PRKCE: variants seen among roughly 807,000 people sequenced by gnomAD.
PRKCE encodes protein kinase C epsilon.
PRKCE carries 16 observed loss-of-function variants against 85.4 expected under a neutral mutation model. That is an observed-to-expected ratio of 0.19 (90% confidence interval 0.13 to 0.28). PRKCE has a LOEUF of 0.28. Ranked by LOEUF, PRKCE falls within the 10% of genes least tolerant of loss-of-function variation. PRKCE has a pLI of 1.00. For synonymous variants in PRKCE, 388 were observed against 371.5 expected, an observed-to-expected ratio of 1.04 and a Z score of -0.51; for missense variants, 573 against 975.2, an observed-to-expected ratio of 0.59 and a Z score of 5.49.
chr2:45,810,052 T>TC (rs1319195256), intron 1 of PRKCE, among the ~76,000 whole-genome samples: 5 of 151,052 alleles, frequency 3.3e-5, no homozygotes, highest in Admixed American at 1.3e-4. Context: ...AAGGATAACT[T>TC]TTTTTGAGAT....
At chr2:46,047,369 GTCT>G (rs1345704749) in intron 10 of PRKCE, among the ~76,000 whole-genome samples, 1 of 152,234 alleles carries the variant, frequency 6.6e-6, no homozygotes, top group East Asian at 1.9e-4. Flanking sequence ...GGTGATGAAA[GTCT>G]TCTTTTATAC....
intron 2 of PRKCE, among the ~76,000 whole-genome samples, chr2:45,874,843 G>C (rs1482868826): frequency 6.6e-6 from 1 of 152,142 alleles, no homozygotes; most frequent in Non-Finnish European, 1.5e-5. Flanking sequence ...TAGCAGTGGG[G>C]ATATTTGGGA....
intron 1 of PRKCE, among the ~76,000 whole-genome samples, chr2:45,682,938 C>T (rs1052456991): frequency 1.3e-5 from 2 of 152,134 alleles, no homozygotes; most frequent in African/African-American, 4.8e-5. Flanking sequence ...AGAAATAAAG[C>T]CTGTTTATTG....
chr2:46,080,638 C>G (rs1252883615), intron 10 of PRKCE, among the ~76,000 whole-genome samples: 1 of 152,198 alleles, frequency 6.6e-6, no homozygotes, highest in Non-Finnish European at 1.5e-5. Flanking sequence ...AATTCCTCCT[C>G]TCATGGTGCT....
chr2:45,892,556 G>A (rs1215050559), intron 2 of PRKCE, among the ~76,000 whole-genome samples: 2 of 152,078 alleles, frequency 1.3e-5, no homozygotes, highest in Non-Finnish European at 2.9e-5. Flanking sequence ...AAGGCAGTGT[G>A]GTTAAGTTTG....
At chr2:45,936,160 G>A (rs1156320434) in intron 2 of PRKCE, among the ~76,000 whole-genome samples, 2 of 152,144 alleles carry the variant, frequency 1.3e-5, no homozygotes, top group East Asian at 1.9e-4. Flanking sequence ...ATGCTATGGC[G>A]ACCCACTGAA....
chr2:45,736,507 C>T (rs977834934), intron 1 of PRKCE, among the ~76,000 whole-genome samples: 13 of 152,140 alleles, frequency 8.5e-5, no homozygotes, highest in African/African-American at 1.7e-4. Context: ...GCAAATTAGA[C>T]GTGGAGCAGT....
chr2:46,161,067 C>T (rs1208583885), intron 14 of PRKCE, among the ~76,000 whole-genome samples: 1 of 152,210 alleles, frequency 6.6e-6, no homozygotes, highest in Non-Finnish European at 1.5e-5. Context: ...AATATCACTT[C>T]CTCTTCAGCC....
At chr2:45,975,680 C>T (rs571266561) in intron 2 of PRKCE, among the ~76,000 whole-genome samples, 2 of 152,274 alleles carry the variant, frequency 1.3e-5, no homozygotes, top group South Asian at 4.2e-4. Context: ...ATCTGTGAGT[C>T]CCCTTGCAAG....
At chr2:45,809,893 A>C (rs1008351167) in intron 1 of PRKCE, among the ~76,000 whole-genome samples, 22 of 151,722 alleles carry the variant, frequency 1.5e-4, no homozygotes, top group Admixed American at 1.2e-3. Context: ...AAAAAAAAAA[A>C]GTCTGGGTAC....
At chr2:46,101,528 C>A (rs1455607081) in intron 11 of PRKCE, among the ~76,000 whole-genome samples, 1 of 152,148 alleles carries the variant, frequency 6.6e-6, no homozygotes, top group African/African-American at 2.4e-5. Flanking sequence ...TTGTATATGC[C>A]TGGAACTCAA....
Position 46,187,082 on chromosome 2 carries a change from C to T in PRKCE, c.*2201C>T, listed in dbSNP as rs1181463585. ...GGCATCATCTCATTTTTTAGGAAGA[C>T]ATGATAATACTGCCCATCATATTCA... On this transcript the variant is annotated 3_prime_UTR_variant, in exon 15 of 15. Transcript: ENST00000306156. The T allele has an allele frequency of 1.3e-5, 2 of 152,628 alleles. No individual in the cohort carries two copies. The highest frequency in any genetic ancestry group is 2.4e-5 in the African/African-American group (1 of 41,440). The allele number at this position is 152,628 out of a possible 1,614,324, so 9.5% of individuals were successfully genotyped here.
chr2:45,745,271 G>A (rs1216732611), intron 1 of PRKCE, among the ~76,000 whole-genome samples: 1 of 152,152 alleles, frequency 6.6e-6, no homozygotes, highest in East Asian at 1.9e-4. Flanking sequence ...GGGGAGAGGA[G>A]GCCCGGGACA....
chr2:45,919,469 G>T (rs1698090380), intron 2 of PRKCE, among the ~76,000 whole-genome samples: 1 of 152,240 alleles, frequency 6.6e-6, no homozygotes, highest in Non-Finnish European at 1.5e-5. Context: ...CCACTGAAGT[G>T]TGTTTATGCC....
rs535962980 is a variant in PRKCE, at chr2:46,184,184, A to G, written c.2068-551A>G. Among the ~76,000 whole-genome samples the G allele has an allele frequency of 3.4e-4, 52 of 152,312 alleles. No homozygotes were observed. Among genetic ancestry groups the G allele is most frequent in the African/African-American group, 1.2e-3 (51 of 41,562 alleles). Reference sequence around the variant, plus strand: ...AACGTCATTGCAAGTCAATGTGCTGAGTTTAATAATTGAAAAAATACTGGA... The same window carrying G: ...AACGTCATTGCAAGTCAATGTGCTGGGTTTAATAATTGAAAAAATACTGGA... On this transcript the variant is annotated intron_variant, in intron 14 of 14. Transcript: ENST00000306156. The surrounding 1 kb of genome is among the most constrained non-coding windows in gnomAD (Gnocchi z 5.0).
chr2:45,776,934 T>C (rs368606642), intron 1 of PRKCE, among the ~76,000 whole-genome samples: 230 of 152,260 alleles, frequency 1.5e-3, no homozygotes, highest in African/African-American at 5.1e-3. Context: ...ATGAAAGTTA[T>C]CATTTTTTTT....
intron 2 of PRKCE, among the ~76,000 whole-genome samples, chr2:45,958,247 C>T (rs1471984852): frequency 6.7e-6 from 1 of 149,600 alleles, no homozygotes; most frequent in Non-Finnish European, 1.5e-5. Flanking sequence ...TGGTGGCTCA[C>T]GCCTGTAATC....
chr2:45,990,961 C>G (rs1189790443), intron 6 of PRKCE, among the ~76,000 whole-genome samples: 1 of 151,632 alleles, frequency 6.6e-6, no homozygotes, highest in Non-Finnish European at 1.5e-5. Context: ...TGCACCCAGT[C>G]TAAATTACTT....
chr2:46,095,503 A>G lies in PRKCE; in HGVS notation c.1592+9141A>G, dbSNP rs1478616523. Among the ~76,000 whole-genome samples, 4 of 152,220 alleles carry G rather than the reference A, an allele frequency of 2.6e-5. No homozygotes were observed. The East Asian group carries it at 7.7e-4, about 29-fold the overall frequency. On this transcript the variant is annotated intron_variant, in intron 11 of 14. Transcript: ENST00000306156. Reference sequence around the variant, plus strand: ...AGAAGAAAAGAGAATCTGGATTTATAACTAGTTTTCAACCAAATCTCTCTT... The same window carrying G: ...AGAAGAAAAGAGAATCTGGATTTATGACTAGTTTTCAACCAAATCTCTCTT...
Sources: gnomAD v4.1 joint callset for allele counts (sites outside exome capture counted in the v4.1 genomes callset) on GRCh38, gnomAD v4.1.1 for gene constraint, Gnocchi (gnomAD v3.1) non-coding constraint, MANE v1.5 for transcripts, NCBI Gene and HGNC (gene_info 2026-07-23, HGNC 2026-07-21) for gene names.